The following CFAP65 variants were observed in gnomAD, a reference collection of about 807,000 sequenced individuals.
CFAP65 encodes the protein cilia- and flagella-associated protein 65.
In CFAP65, 155 loss-of-function variants were observed where a neutral mutation model predicts 208.0. The ratio of observed to expected loss-of-function variants is 0.75; its 90% CI spans 0.65 to 0.85. The LOEUF is 0.85. Ranked by LOEUF, CFAP65 falls within the 40% of genes least tolerant of loss-of-function variation. The pLI, the probability that CFAP65 is intolerant of heterozygous loss-of-function variation, is 0.00. For missense variants in CFAP65, 2,294 were observed against 2,451.3 expected (o/e 0.94, Z 1.36); for synonymous variants, 970 against 986.3 (o/e 0.98, Z 0.31).
At position 219,021,232 on chromosome 2, in the gene CFAP65, T is replaced by G; in HGVS notation, c.3179A>C (p.Asp1060Ala). 6.2e-7 allele frequency: 1 copy of G among 1,608,294 alleles called. No homozygotes were observed. The highest frequency in any genetic ancestry group is 8.5e-7 in the Non-Finnish European group (1 of 1,177,050). ...TEGSMPPRSQ[D>A]TICLTACPKQ... ...GGGACAGGCAGTCAGGCAGATGGTG[T>G]CCTGGGACCGGGGTGGCATGCTCCC... Residue 1060 changes from aspartate (D) to alanine (A), a missense_variant, in exon 19 of 35, where the codon GAC (aspartate) becomes GCC (alanine). Transcript: ENST00000341552.
rs1353951948 is a variant in CFAP65, at chr2:219,040,511, G to T, written c.-3+8C>A. On this transcript the variant is annotated splice_region_variant and intron_variant, in intron 2 of 34. Coordinates refer to ENST00000341552, the MANE Select transcript of CFAP65 (RefSeq NM_194302.4). ...CTAGGCACCAGACAAGGCAGGCAAG[G>T]CTCCTACCTCCAATTGTGAACTGGA... is the stretch of plus-strand genomic sequence containing the variant. 6 of 1,402,440 alleles carry T rather than the reference G, an allele frequency of 4.3e-6. No homozygotes were observed. The highest frequency in any genetic ancestry group is 2.0e-5 in the Admixed American group (1 of 50,844). 86.9% of individuals were successfully genotyped at this position (1,402,440 alleles called of 1,614,324 possible).
rs777989721 is a variant in CFAP65, at chr2:219,041,411, C to A, written c.-49+77G>T. On this transcript the variant is annotated intron_variant, in intron 1 of 34. Transcript: ENST00000341552. The stretch of plus-strand genomic sequence containing the variant: ...CGATTTCCCGAAGGATAGGGTCTCC[C>A]GGGACAGATACCTTCCCTGGCCACT... The A allele has an allele frequency of 7.0e-5, 104 of 1,485,858 alleles. 2 individuals are homozygous for A. The Admixed American group carries it at 1.8e-3, about 26-fold the overall frequency. The allele number at this position is 1,485,858 out of a possible 1,614,324, so 92.0% of individuals were successfully genotyped here.
At chr2:219,017,563 A>G (rs969860470) in intron 21 of CFAP65, among the ~76,000 whole-genome samples, 1 of 152,418 alleles carries the variant, frequency 6.6e-6, no homozygotes, top group Admixed American at 6.5e-5. Context: ...ATCTGCTTAG[A>G]ATCCTGGAAG....
chr2:219,025,836 G>A (rs909803771), intron 14 of CFAP65, among the ~76,000 whole-genome samples, 186 bp downstream of exon 14: 7 of 152,130 alleles, frequency 4.6e-5, no homozygotes, highest in South Asian at 2.1e-4. Context: ...TCCCAGTGTC[G>A]GGGCCCAGGA....
In CFAP65 at chr2:219,013,946, T is replaced by C. The variant is rs148224341; in HGVS notation, c.3701A>G (p.Asp1234Gly). ...GGGGCTGATGGAGAAGAGGCAATTG[T>C]CCTGCACGCGCATCTGGTGGAGCTC... Reference protein sequence around the residue: ...STELHQMRVQDNCLFSISPKA... With the variant: ...STELHQMRVQGNCLFSISPKA... Residue 1234 changes from aspartate (D) to glycine (G), a missense_variant, in exon 22 of 35, where the codon GAC becomes GGC. Physicochemically the swap from Asp to Gly is moderately conservative, Grantham distance 94 (BLOSUM62 -1). Around this residue, in one of 2 missense-constraint regions of CFAP65, gnomAD observed 1,427 missense variants for 1,438.7 expected, o/e 0.99. Transcript: ENST00000341552. The C allele has an allele frequency of 4.2e-3, 6,706 of 1,613,880 alleles. 35 individuals carry two copies. Among genetic ancestry groups the C allele is most frequent in the Non-Finnish European group, 4.6e-3 (5,450 of 1,179,932 alleles).
In CFAP65 at chr2:219,031,233, C is replaced by T; in HGVS notation, c.888G>A (p.Glu296=). The T allele has an allele frequency of 6.2e-7, 1 of 1,613,830 alleles. No homozygotes were observed. The highest frequency in any genetic ancestry group is 1.1e-5 in the South Asian group (1 of 90,978). ...FQMLPATGLL[E]PGQASQIKVT... ...CCTTGATCTGAGAGGCCTGGCCTGG[C>T]TCCAGGAGCCCCGTGGCGGGCAGCA... The change falls in exon 8 of 35, where the codon GAG becomes GAA. Residue 296 remains glutamate (E), a synonymous_variant. Transcript: ENST00000341552. This position sits in a 1 kb window ranked among gnomAD's most constrained non-coding sequence, Gnocchi z 5.2.
At position 219,026,179 on chromosome 2, in the gene CFAP65, A is replaced by G; in HGVS notation, c.2212-20T>C. 1 of 1,599,632 alleles carries G rather than the reference A, an allele frequency of 6.3e-7. No homozygotes were observed. Among genetic ancestry groups the G allele is most frequent in the Non-Finnish European group, 8.6e-7 (1 of 1,168,440 alleles). On this transcript the variant is annotated intron_variant, in intron 13 of 34. Transcript: ENST00000341552. ...CAGGACCTGCAGAGGGGCCAGACCCACGGAAAAGCTCAGAGTCCTGTGTCT... is the reference window on the plus strand; with the variant it reads ...CAGGACCTGCAGAGGGGCCAGACCCGCGGAAAAGCTCAGAGTCCTGTGTCT...
At position 219,003,255 on chromosome 2, in the gene CFAP65, T is replaced by G; in HGVS notation, c.5573A>C (p.Asn1858Thr). Reference protein sequence around the residue: ...EAIRRLPAFANLQEALLENMI... With the variant: ...EAIRRLPAFATLQEALLENMI... ...GTTCTCCAGCAGCGCCTCCTGCAGG[T>G]TGGCGAAGGCCGGGAGCCTGCGAGG... is the stretch of plus-strand genomic sequence containing the variant. The change falls in exon 34 of 35, where the codon AAC (asparagine) becomes ACC (threonine). Residue 1858 changes from asparagine to threonine, a missense_variant. Transcript: ENST00000341552. This position sits in a 1 kb window ranked among gnomAD's most constrained non-coding sequence, Gnocchi z 4.4. 2 of 1,543,570 alleles carry G rather than the reference T, an allele frequency of 1.3e-6. No homozygotes were observed. Among genetic ancestry groups the G allele is most frequent in the Non-Finnish European group, 1.7e-6 (2 of 1,143,366 alleles).
chr2:219,019,030 G>C (rs757532230), intron 21 of CFAP65, 21 bp downstream of exon 21: 16 of 1,614,032 alleles, frequency 9.9e-6, no homozygotes, highest in Admixed American at 1.7e-5. Context: ...AGGCCCCCCA[G>C]TGGCCCCCTT....
intron 4 of CFAP65, 88 bp from the exon 5 acceptor site, chr2:219,035,752 G>A (rs554247297): frequency 4.2e-5 from 64 of 1,506,306 alleles, no homozygotes; most frequent in African/African-American, 2.4e-4. Flanking sequence ...GAAGGTCTTC[G>A]TCCTCCACCA....
intron 16 of CFAP65, among the ~76,000 whole-genome samples, chr2:219,022,745 G>A (rs536340278): frequency 1.3e-4 from 20 of 152,158 alleles, no homozygotes; most frequent in Admixed American, 5.9e-4. Flanking sequence ...TCCCCAACCC[G>A]TCGGTAAGGT....
intron 10 of CFAP65, 147 bp from the exon 11 acceptor site, chr2:219,029,815 A>ATG: frequency 1.7e-6 from 2 of 1,161,044 alleles, no homozygotes; most frequent in Non-Finnish European, 2.4e-6. Flanking sequence ...TGCCAGTGGG[A>ATG]CTGGGATCTC....
intron 22 of CFAP65, 26 bp downstream of exon 22, chr2:219,013,842 C>T: frequency 1.3e-6 from 2 of 1,555,006 alleles, no homozygotes; most frequent in Middle Eastern, 1.9e-4. Context: ...ACTGGAAGTG[C>T]AGGGGGTTTG....
chr2:219,003,922 T>A lies in CFAP65; in HGVS notation c.5555+30A>T. On this transcript the variant is annotated intron_variant, in intron 33 of 34. Coordinates refer to ENST00000341552, the MANE Select transcript of CFAP65 (RefSeq NM_194302.4). The surrounding 1 kb of genome is among the most constrained non-coding windows in gnomAD (Gnocchi z 4.4). ...AGGAACCTTCTGCACTTCGCCTCCC[T>A]CCCGTCCTCACTGGGGCCTGGCTGC... 1 of 1,593,072 alleles carries A rather than the reference T, an allele frequency of 6.3e-7. No homozygotes were observed. The highest frequency in any genetic ancestry group is 8.6e-7 in the Non-Finnish European group (1 of 1,168,298).
intron 27 of CFAP65, 31 bp from the exon 28 acceptor site, chr2:219,009,491 T>C: frequency 6.8e-7 from 1 of 1,468,274 alleles, no homozygotes; most frequent in Non-Finnish European, 9.5e-7. Flanking sequence ...TCTCTGGAGA[T>C]TCACAGGGAT....
At chr2:219,010,223 T>C in intron 26 of CFAP65, 138 bp from the exon 27 acceptor site, 1 of 811,608 alleles carries the variant, frequency 1.2e-6, no homozygotes, top group East Asian at 2.8e-5. Context: ...CTGGCCCTTT[T>C]GACACCTTTC....
At chr2:219,012,257 C>T (rs545437360) in intron 24 of CFAP65, among the ~76,000 whole-genome samples, 1 of 152,376 alleles carries the variant, frequency 6.6e-6, no homozygotes, top group African/African-American at 2.4e-5. Flanking sequence ...ACCTGACAAG[C>T]CCTCTTGGTT....
chr2:219,002,887 G>C lies in CFAP65; in HGVS notation c.*50C>G, dbSNP rs1453064909. The stretch of plus-strand genomic sequence containing the variant: ...GATGCTTTTACTGGCGGTGGAGAGG[G>C]GGCCAGGCGTGACCCCTAGCGGCAT... On this transcript the variant is annotated 3_prime_UTR_variant, in exon 35 of 35. Transcript: ENST00000341552. The surrounding 1 kb of genome is among the most constrained non-coding windows in gnomAD (Gnocchi z 7.9). 1.0e-5 allele frequency: 15 copies of C among 1,458,488 alleles called. No individual in the cohort carries two copies. The highest frequency in any genetic ancestry group is 2.4e-5 in the South Asian group (2 of 82,316). The allele number at this position is 1,458,488 out of a possible 1,614,324, so 90.3% of individuals were successfully genotyped here. A position where few individuals can be genotyped will look rare whatever the true frequency, so the allele number is the denominator to read the frequency against.
intron 20 of CFAP65, 151 bp from the exon 21 acceptor site, chr2:219,019,330 C>G (rs1191315029): frequency 8.6e-7 from 1 of 1,162,352 alleles, no homozygotes. Flanking sequence ...CTTCAGACCT[C>G]AAGCCAATTC....
Sources: allele counts gnomAD v4.1 joint callset (sites outside exome capture counted in the v4.1 genomes callset), GRCh38; gene constraint gnomAD v4.1.1; regional missense constraint gnomAD v4.1.1; non-coding constraint Gnocchi (gnomAD v3.1); transcripts MANE v1.5; gene names NCBI Gene and HGNC (gene_info 2026-07-23, HGNC 2026-07-21).